EFNB3: variants seen among roughly 807,000 people sequenced by gnomAD.
The protein encoded by EFNB3 is ephrin-B3.
In EFNB3, 14 loss-of-function variants were observed where a neutral mutation model predicts 29.8. The ratio of observed to expected loss-of-function variants is 0.47; its 90% confidence interval spans 0.31 to 0.73. The LOEUF (loss-of-function observed/expected upper bound fraction) is 0.73. Ranked by LOEUF, EFNB3 falls within the 30% of genes least tolerant of loss-of-function variation. The probability of loss-of-function intolerance (pLI) is 0.05; values close to 1 mark genes in which losing one functional copy is unlikely to be tolerated. For missense variants in EFNB3, 408 were observed against 458.0 expected, an observed-to-expected ratio of 0.89 and a Z score of 1.00; for synonymous variants, 216 against 191.6, an observed-to-expected ratio of 1.13 and a Z score of -1.05.
At position 7,709,442 on chromosome 17, in the gene EFNB3, C is replaced by T; in HGVS notation, c.889C>T (p.Leu297=). The T allele has an allele frequency of 6.2e-7, 1 of 1,613,468 alleles. No homozygotes were observed. Among genetic ancestry groups the T allele is most frequent in the Non-Finnish European group, 8.5e-7 (1 of 1,179,672 alleles). Residue 297 remains leucine, a synonymous_variant, in exon 5 of 5, where the codon CTG becomes TTG. Coordinates refer to ENST00000226091, the MANE Select transcript of EFNB3 (RefSeq NM_001406.4). The surrounding 1 kb of genome is among the most constrained non-coding windows in gnomAD (Gnocchi z 4.5). ...TGAGCCTGGGGAGCTAGGGATAGCT[C>T]TGCGGGGTGGCGGGGCTGCAGATCC... ...EAEPGELGIA[L]RGGGAADPPF... is the part of the protein sequence containing the mutation.
At position 7,709,505 on chromosome 17, in the gene EFNB3, T is replaced by C; in HGVS notation, c.952T>C (p.Tyr318His). The C allele has an allele frequency of 6.2e-7, 1 of 1,613,846 alleles. No homozygotes were observed. ...CPHYEKVSGD[Y>H]GHPVYIVQDG... ...CCACTATGAGAAGGTGAGTGGTGAC[T>C]ATGGGCATCCTGTGTATATCGTGCA... The change falls in exon 5 of 5, where the codon TAT becomes CAT. Residue 318 changes from tyrosine (Y) to histidine (H), a missense_variant. Transcript: ENST00000226091. The surrounding 1 kb of genome is among the most constrained non-coding windows in gnomAD (Gnocchi z 4.5).
rs1314700555 is a variant in EFNB3 at position 7,709,843 on chromosome 17, G to C, written c.*267G>C. The C allele has an allele frequency of 1.8e-6, 1 of 557,486 alleles. No individual in the cohort carries two copies. Among genetic ancestry groups the C allele is most frequent in the Non-Finnish European group, 3.2e-6 (1 of 314,982 alleles). The allele number at this position is 557,486 out of a possible 1,614,324, so 34.5% of individuals were successfully genotyped here. Reference sequence around the variant, plus strand: ...TTCCTTGGGGAGGGGCACAGGCTCAGCCTCCTCTCTGACCATGACCCAGGC... The same window carrying C: ...TTCCTTGGGGAGGGGCACAGGCTCACCCTCCTCTCTGACCATGACCCAGGC... On this transcript the variant is annotated 3_prime_UTR_variant, in exon 5 of 5. Transcript: ENST00000226091. This position sits in a 1 kb window ranked among gnomAD's most constrained non-coding sequence, Gnocchi z 4.5.
intron 1 of EFNB3, among the ~76,000 whole-genome samples, chr17:7,706,517 A>G (rs1337454627): frequency 6.6e-6 from 1 of 152,226 alleles, no homozygotes; most frequent in Non-Finnish European, 1.5e-5. Context: ...TGGGTAGGAC[A>G]GAACCTTCGG....
Position 7,709,255 on chromosome 17 carries a change from G to A in EFNB3, c.702G>A (p.Gly234=), listed in dbSNP as rs1428178852. The A allele has an allele frequency of 5.7e-6, 9 of 1,589,474 alleles. No individual in the cohort carries two copies. In the South Asian group the frequency reaches 6.8e-5, roughly 12 times the overall value. The change falls in exon 5 of 5, where the codon GGG becomes GGA. Residue 234 remains glycine, a synonymous_variant. Coordinates refer to ENST00000226091, the MANE Select transcript of EFNB3 (RefSeq NM_001406.4). The surrounding 1 kb of genome is among the most constrained non-coding windows in gnomAD (Gnocchi z 4.5). ...SMPAVAGAAG[G]LALLLLGVAG... is the part of the protein sequence containing the mutation. ...CTGCAGTGGCTGGGGCAGCAGGGGG[G>A]CTGGCGCTGCTCTTGCTGGGCGTGG... is the stretch of plus-strand genomic sequence containing the variant.
rs368562158 is a variant in EFNB3 at position 7,709,384 on chromosome 17, G to A, written c.831G>A (p.Leu277=). The A allele has an allele frequency of 1.9e-6, 3 of 1,593,830 alleles. No homozygotes were observed. Among genetic ancestry groups the A allele is most frequent in the African/African-American group, 1.3e-5 (1 of 74,392 alleles). ...TCGGGAGGGGAGGGTCTCTGGGCCT[G>A]GGGGGTGGAGGTGGGATGGGACCTC... ...GSFGRGGSLG[L]GGGGGMGPRE... is the part of the protein sequence containing the mutation. Residue 277 remains leucine, a synonymous_variant, in exon 5 of 5, where the codon CTG becomes CTA. Transcript: ENST00000226091. This position sits in a 1 kb window ranked among gnomAD's most constrained non-coding sequence, Gnocchi z 4.5.
In EFNB3 at chr17:7,709,132, TC is replaced by T; in HGVS notation, c.614-30del. The T allele has an allele frequency of 1.3e-6, 2 of 1,583,464 alleles. No homozygotes were observed. The highest frequency in any genetic ancestry group is 8.5e-7 in the Non-Finnish European group (1 of 1,172,120). ...GTGCCCAGGTGGCTCCTTCAGTCCC[TC>T]CCCCTCTTTCCTCCTTCACCCCTTC... On this transcript the variant is annotated intron_variant, in intron 4 of 4. Coordinates refer to ENST00000226091, the MANE Select transcript of EFNB3 (RefSeq NM_001406.4). The surrounding 1 kb of genome is among the most constrained non-coding windows in gnomAD (Gnocchi z 4.5).
At position 7,708,457 on chromosome 17, in the gene EFNB3, G is replaced by A. The variant is rs758345808; in HGVS notation, c.438G>A (p.Glu146=). ...YIIATSDGTR[E]GLESLQGGVC... Reference sequence around the variant, plus strand: ...CAGCCACATCGGATGGGACCCGGGAGGGCCTGGAGAGCCTGCAGGGAGGTG... The same window carrying A: ...CAGCCACATCGGATGGGACCCGGGAAGGCCTGGAGAGCCTGCAGGGAGGTG... The change falls in exon 3 of 5, where the codon GAG becomes GAA. Residue 146 remains glutamate, a synonymous_variant. Coordinates refer to ENST00000226091, the MANE Select transcript of EFNB3 (RefSeq NM_001406.4). The surrounding 1 kb of genome is among the most constrained non-coding windows in gnomAD (Gnocchi z 6.8). 2 of 1,613,622 alleles carry A rather than the reference G, an allele frequency of 1.2e-6. No individual in the cohort carries two copies. The highest frequency in any genetic ancestry group is 2.7e-5 in the African/African-American group (2 of 74,930).
At position 7,709,834 on chromosome 17, in the gene EFNB3, A is replaced by G. The variant is rs2151099944; in HGVS notation, c.*258A>G. The G allele has an allele frequency of 1.8e-6, 1 of 570,752 alleles. No homozygotes were observed. The highest frequency in any genetic ancestry group is 2.1e-5 in the South Asian group (1 of 48,136). 35.4% of individuals were successfully genotyped at this position (570,752 alleles called of 1,614,324 possible). ...GGATCCTTTTTCCTTGGGGAGGGGC[A>G]CAGGCTCAGCCTCCTCTCTGACCAT... On this transcript the variant is annotated 3_prime_UTR_variant, in exon 5 of 5. Coordinates refer to ENST00000226091, the MANE Select transcript of EFNB3 (RefSeq NM_001406.4). This position sits in a 1 kb window ranked among gnomAD's most constrained non-coding sequence, Gnocchi z 4.5.
intron 1 of EFNB3, 42 bp from the exon 2 acceptor site, chr17:7,707,916 T>C: frequency 6.4e-7 from 1 of 1,556,784 alleles, no homozygotes; most frequent in South Asian, 1.2e-5. Flanking sequence ...GGGCCAGGCC[T>C]CTGACATCTC....
In EFNB3 at chr17:7,709,123, T is replaced by A. The variant is rs775680232; in HGVS notation, c.614-44T>A. 6.7e-5 allele frequency: 106 copies of A among 1,578,708 alleles called. No individual in the cohort carries two copies. The highest frequency in any genetic ancestry group is 8.9e-5 in the Non-Finnish European group (104 of 1,168,860). The stretch of plus-strand genomic sequence containing the variant: ...GGTGTCCAGGTGCCCAGGTGGCTCC[T>A]TCAGTCCCTCCCCCTCTTTCCTCCT... On this transcript the variant is annotated intron_variant, in intron 4 of 4. Transcript: ENST00000226091. This position sits in a 1 kb window ranked among gnomAD's most constrained non-coding sequence, Gnocchi z 4.5.
chr17:7,708,629 C>T lies in EFNB3; in HGVS notation c.509-6C>T, dbSNP rs373023179. 132 of 1,579,284 alleles carry T rather than the reference C, an allele frequency of 8.4e-5. No homozygotes were observed. Among genetic ancestry groups the T allele is most frequent in the Non-Finnish European group, 1.1e-4 (123 of 1,161,812 alleles). On this transcript the variant is annotated splice_polypyrimidine_tract_variant and splice_region_variant and intron_variant, in intron 3 of 4. Coordinates refer to ENST00000226091, the MANE Select transcript of EFNB3 (RefSeq NM_001406.4). The surrounding 1 kb of genome is among the most constrained non-coding windows in gnomAD (Gnocchi z 6.8). ...CAGCCCCTCTCTGGGTCTTCCTCATCTCCAGGTCCCCGAGGAGGGGCTGTC... is the reference window on the plus strand; with the variant it reads ...CAGCCCCTCTCTGGGTCTTCCTCATTTCCAGGTCCCCGAGGAGGGGCTGTC...
Position 7,709,542 on chromosome 17 carries a change from C to T in EFNB3, c.989C>T (p.Pro330Leu), listed in dbSNP as rs1289803511. 3 of 1,613,824 alleles carry T rather than the reference C, an allele frequency of 1.9e-6. No individual in the cohort carries two copies. The highest frequency in any genetic ancestry group is 2.5e-6 in the Non-Finnish European group (3 of 1,179,956). ...GTGTATATCGTGCAGGATGGGCCCCCCCAGAGCCCTCCAAACATCTACTAC... is the reference window on the plus strand; with the variant it reads ...GTGTATATCGTGCAGGATGGGCCCCTCCAGAGCCCTCCAAACATCTACTAC... Reference protein sequence around the residue: ...HPVYIVQDGPPQSPPNIYYKV With the variant: ...HPVYIVQDGPLQSPPNIYYKV Residue 330 changes from proline (P) to leucine (L), a missense_variant, in exon 5 of 5, where the codon CCC (proline) becomes CTC (leucine). By Grantham distance (98) the Pro-to-Leu change is moderately conservative (BLOSUM62 -3). Around this residue, in one of 3 missense-constraint regions of EFNB3, gnomAD observed 233 missense variants for 230.7 expected, o/e 1.01. Transcript: ENST00000226091. This position sits in a 1 kb window ranked among gnomAD's most constrained non-coding sequence, Gnocchi z 4.5.
Position 7,709,289 on chromosome 17 carries a change from G to A in EFNB3, c.736G>A (p.Gly246Arg). Reference sequence around the variant, plus strand: ...GCTCTTGCTGGGCGTGGCAGGGGCTGGGGGTGCCATGTGTTGGCGGAGACG... The same window carrying A: ...GCTCTTGCTGGGCGTGGCAGGGGCTAGGGGTGCCATGTGTTGGCGGAGACG... ...ALLLLGVAGA[G>R]GAMCWRRRRA... is the part of the protein sequence containing the mutation. Residue 246 changes from glycine to arginine, a missense_variant, in exon 5 of 5, where the codon GGG becomes AGG. Around this residue, in one of 3 missense-constraint regions of EFNB3, gnomAD observed 233 missense variants for 230.7 expected, o/e 1.01. Transcript: ENST00000226091. The surrounding 1 kb of genome is among the most constrained non-coding windows in gnomAD (Gnocchi z 4.5). 6.3e-7 allele frequency: 1 copy of A among 1,580,784 alleles called. No individual in the cohort carries two copies. Among genetic ancestry groups the A allele is most frequent in the East Asian group, 2.3e-5 (1 of 44,402 alleles).
chr17:7,707,476 C>T (rs2074331164), intron 1 of EFNB3, among the ~76,000 whole-genome samples: 2 of 152,222 alleles, frequency 1.3e-5, no homozygotes, highest in Admixed American at 1.3e-4. Flanking sequence ...CACACAGCCC[C>T]TCCCTGAACC....
In EFNB3 at chr17:7,705,721, G is replaced by T; in HGVS notation, c.122+1G>T. Reference sequence around the variant, plus strand: ...TCTACTGGAACTCGGCGAATAAGAGGTGAGTGGCCTGCGGCTGGGGAGATC... The same window carrying T: ...TCTACTGGAACTCGGCGAATAAGAGTTGAGTGGCCTGCGGCTGGGGAGATC... On this transcript the variant is annotated splice_donor_variant, in intron 1 of 4. Transcript: ENST00000226091. LOFTEE classifies it high-confidence loss of function. The surrounding 1 kb of genome is among the most constrained non-coding windows in gnomAD (Gnocchi z 5.4). The T allele has an allele frequency of 6.4e-7, 1 of 1,563,416 alleles. No homozygotes were observed. Among genetic ancestry groups the T allele is most frequent in the African/African-American group, 1.4e-5 (1 of 71,138 alleles).
Position 7,709,651 on chromosome 17 carries a change from G to A in EFNB3, c.*75G>A. 6.4e-7 allele frequency: 1 copy of A among 1,562,378 alleles called. No individual in the cohort carries two copies. Among genetic ancestry groups the A allele is most frequent in the Non-Finnish European group, 8.8e-7 (1 of 1,141,206 alleles). ...CTCCAGTTTAATTCCTGGTTTGAGGGACACCTCTAACATCTCGGCCCCCTG... is the reference window on the plus strand; with the variant it reads ...CTCCAGTTTAATTCCTGGTTTGAGGAACACCTCTAACATCTCGGCCCCCTG... On this transcript the variant is annotated 3_prime_UTR_variant, in exon 5 of 5. Coordinates refer to ENST00000226091, the MANE Select transcript of EFNB3 (RefSeq NM_001406.4). The surrounding 1 kb of genome is among the most constrained non-coding windows in gnomAD (Gnocchi z 4.5).
intron 1 of EFNB3, 36 bp from the exon 2 acceptor site, chr17:7,707,922 A>T (rs779847289): frequency 7.0e-6 from 11 of 1,564,244 alleles, no homozygotes; most frequent in South Asian, 4.9e-5. Context: ...GGCCTCTGAC[A>T]TCTCTTCCTT....
chr17:7,705,995 T>A lies in EFNB3; in HGVS notation c.122+275T>A, dbSNP rs1171560510. Reference sequence around the variant, plus strand: ...ATGGGTAGCCGGGAGGGCAGTGAGGTGGGTATTTGGATCTGTGGGAGGCCT... The same window carrying A: ...ATGGGTAGCCGGGAGGGCAGTGAGGAGGGTATTTGGATCTGTGGGAGGCCT... On this transcript the variant is annotated intron_variant, in intron 1 of 4. Transcript: ENST00000226091. The surrounding 1 kb of genome is among the most constrained non-coding windows in gnomAD (Gnocchi z 5.4). Among the ~76,000 whole-genome samples, 1 of 147,942 alleles carries A rather than the reference T, an allele frequency of 6.8e-6. No individual in the cohort carries two copies. The highest frequency in any genetic ancestry group is 1.5e-5 in the Non-Finnish European group (1 of 66,932).
rs1261698519 is a variant in EFNB3, at chr17:7,708,490, A to G, written c.471A>G (p.Leu157=). The change falls in exon 3 of 5, where the codon CTA becomes CTG. Residue 157 remains leucine, a synonymous_variant. Coordinates refer to ENST00000226091, the MANE Select transcript of EFNB3 (RefSeq NM_001406.4). The surrounding 1 kb of genome is among the most constrained non-coding windows in gnomAD (Gnocchi z 6.8). ...AGAGCCTGCAGGGAGGTGTGTGCCTAACCAGAGGCATGAAGGTGCTTCTCC... is the reference window on the plus strand; with the variant it reads ...AGAGCCTGCAGGGAGGTGTGTGCCTGACCAGAGGCATGAAGGTGCTTCTCC... ...GLESLQGGVC[L]TRGMKVLLRV... is the part of the protein sequence containing the mutation. 3 of 1,613,828 alleles carry G rather than the reference A, an allele frequency of 1.9e-6. No individual in the cohort carries two copies. In the Admixed American group the frequency reaches 5.0e-5, roughly 27 times the overall value.
Sources: gnomAD v4.1 joint callset for allele counts (sites outside exome capture counted in the v4.1 genomes callset) on GRCh38, gnomAD v4.1.1 for gene constraint, gnomAD v4.1.1 regional missense constraint, Gnocchi (gnomAD v3.1) non-coding constraint, MANE v1.5 for transcripts, NCBI Gene and HGNC (gene_info 2026-07-23, HGNC 2026-07-21) for gene names.